The following UBE2E2 variants were observed in gnomAD, a reference collection of about 807,000 sequenced individuals.
UBE2E2 encodes ubiquitin conjugating enzyme E2 E2, also known as ubiquitin-conjugating enzyme E2 E2.
UBE2E2 carries 6 observed loss-of-function variants against 24.7 expected under a neutral mutation model. The observed-to-expected ratio is 0.24, with a 90% confidence interval of 0.13 to 0.48. The LOEUF is 0.48. Ranked by LOEUF, UBE2E2 falls within the 20% of genes least tolerant of loss-of-function variation. UBE2E2 has a pLI of 0.99. For synonymous variants in UBE2E2, 104 were observed against 83.6 expected (o/e 1.24, Z -1.33); for missense variants, 169 against 245.0 (o/e 0.69, Z 2.07).
chr3:23,466,731 C>A (rs1308334437), intron 3 of UBE2E2, among the ~76,000 whole-genome samples: 1 of 151,968 alleles, frequency 6.6e-6, no homozygotes, highest in East Asian at 1.9e-4. Context: ...CCACCCTCAG[C>A]TAATTTTTTG....
At position 23,528,159 on chromosome 3, in the gene UBE2E2, G is replaced by C. The variant is rs569903513; in HGVS notation, c.361-4395G>C. Among the ~76,000 whole-genome samples the C allele has an allele frequency of 1.2e-4, 18 of 152,294 alleles. 1 individual carries two copies. The South Asian group carries it at 3.7e-3, about 32-fold the overall frequency. ...AGCATCAGAAAATTAGTTGTCAGGA[G>C]AAACTCCTCACCCCACATTTGGTCA... On this transcript the variant is annotated intron_variant, in intron 4 of 5. Transcript: ENST00000396703.
At chr3:23,358,849 CTATT>C (rs1380107083) in intron 3 of UBE2E2, among the ~76,000 whole-genome samples, 1 of 152,162 alleles carries the variant, frequency 6.6e-6, no homozygotes, top group Non-Finnish European at 1.5e-5. Flanking sequence ...GCATTGTTAC[CTATT>C]TATTATGTGT....
At chr3:23,326,359 C>T (rs1694890570) in intron 3 of UBE2E2, among the ~76,000 whole-genome samples, 1 of 152,204 alleles carries the variant, frequency 6.6e-6, no homozygotes, top group Admixed American at 6.5e-5. Flanking sequence ...GCTTGAGCCA[C>T]CGTGCCTGGC....
chr3:23,545,530 G>C (rs1328387604), intron 5 of UBE2E2, among the ~76,000 whole-genome samples: 1 of 152,128 alleles, frequency 6.6e-6, no homozygotes, highest in Non-Finnish European at 1.5e-5. Context: ...GAATCTCAAG[G>C]CAGAAGAATT....
intron 3 of UBE2E2, among the ~76,000 whole-genome samples, chr3:23,349,916 C>G (rs541572579): frequency 7.9e-5 from 12 of 152,168 alleles, no homozygotes; most frequent in South Asian, 2.1e-4. Context: ...GATCTGAGAA[C>G]GGGCAGACTG....
intron 3 of UBE2E2, among the ~76,000 whole-genome samples, chr3:23,417,706 A>G (rs1291743792): frequency 3.3e-5 from 5 of 152,170 alleles, no homozygotes; most frequent in Admixed American, 2.0e-4. Context: ...GGTTTTATCT[A>G]TAAACCCCTG....
chr3:23,427,191 A>G (rs1031897651), intron 3 of UBE2E2, among the ~76,000 whole-genome samples: 4 of 150,760 alleles, frequency 2.7e-5, no homozygotes, highest in African/African-American at 9.8e-5. Context: ...GGAGGCTGAC[A>G]TGGGCAGATT....
chr3:23,343,798 A>G (rs1014896884), intron 3 of UBE2E2, among the ~76,000 whole-genome samples: 8 of 152,152 alleles, frequency 5.3e-5, no homozygotes, highest in African/African-American at 1.2e-4. Flanking sequence ...GGGACTGTAC[A>G]TAAGTGGAAT....
intron 3 of UBE2E2, among the ~76,000 whole-genome samples, chr3:23,251,456 A>G (rs36073188): frequency 0.26 from 40,148 of 152,114 alleles, 5,663 homozygotes; most frequent in Non-Finnish European, 0.32. Flanking sequence ...TCATCATCCA[A>G]TTTCTCAGTT....
intron 3 of UBE2E2, among the ~76,000 whole-genome samples, chr3:23,256,245 A>G (rs1320186206): frequency 6.6e-6 from 1 of 152,210 alleles, no homozygotes; most frequent in East Asian, 1.9e-4. Flanking sequence ...ACTGAAGTTA[A>G]TAGGATTGTA....
chr3:23,296,900 G>A (rs536397740), intron 3 of UBE2E2, among the ~76,000 whole-genome samples: 4 of 152,142 alleles, frequency 2.6e-5, no homozygotes, highest in South Asian at 2.1e-4. Context: ...TTCCACAATC[G>A]TTGAACTAGT....
chr3:23,503,150 G>GT (rs1694320273), intron 4 of UBE2E2, among the ~76,000 whole-genome samples: 3 of 150,944 alleles, frequency 2.0e-5, no homozygotes, highest in African/African-American at 4.9e-5. Context: ...TGTTTTTTGG[G>GT]GTTTTTTTTT....
intron 5 of UBE2E2, among the ~76,000 whole-genome samples, chr3:23,534,459 A>G (rs995594830): frequency 2.6e-5 from 4 of 152,226 alleles, no homozygotes; most frequent in Admixed American, 1.3e-4. Context: ...GATAGTAAGA[A>G]CAAGCCTAAA....
chr3:23,590,117 C>A lies in UBE2E2; in HGVS notation c.*286C>A, dbSNP rs1169923336. The stretch of plus-strand genomic sequence containing the variant: ...CATCATAGATGGGAACTTTTGTTTT[C>A]AGTGCAAACAATGTTGGAGCTGTAA... On this transcript the variant is annotated 3_prime_UTR_variant, in exon 6 of 6. Transcript: ENST00000396703. The A allele has an allele frequency of 6.1e-6, 2 of 327,182 alleles. No homozygotes were observed. The highest frequency in any genetic ancestry group is 1.1e-5 in the Non-Finnish European group (2 of 178,958). 20.3% of individuals were successfully genotyped at this position (327,182 alleles called of 1,614,324 possible). A position where few individuals can be genotyped will look rare whatever the true frequency, so the allele number is the denominator to read the frequency against.
intron 4 of UBE2E2, among the ~76,000 whole-genome samples, chr3:23,514,473 C>G (rs1300773038): frequency 6.6e-6 from 1 of 152,154 alleles, no homozygotes. Flanking sequence ...TGTTTTCATT[C>G]TCATTCTCCC....
chr3:23,301,922 C>T (rs145981140), intron 3 of UBE2E2, among the ~76,000 whole-genome samples: 16 of 141,740 alleles, frequency 1.1e-4, no homozygotes, highest in East Asian at 5.8e-4. Flanking sequence ...AATGTTTCTT[C>T]GCTTAATTAA....
intron 3 of UBE2E2, among the ~76,000 whole-genome samples, chr3:23,394,503 C>A (rs1375893905): frequency 6.6e-6 from 1 of 152,048 alleles, no homozygotes; most frequent in Non-Finnish European, 1.5e-5. Flanking sequence ...TGTTATAGAC[C>A]GTGCTTCCTG....
At chr3:23,271,488 C>T (rs1244242660) in intron 3 of UBE2E2, among the ~76,000 whole-genome samples, 5 of 152,152 alleles carry the variant, frequency 3.3e-5, no homozygotes, top group Non-Finnish European at 5.9e-5. Flanking sequence ...GCCGCTGGCT[C>T]GGGCAGCCTG....
intron 3 of UBE2E2, among the ~76,000 whole-genome samples, chr3:23,322,105 T>C (rs879382708): frequency 1.2e-4 from 18 of 152,368 alleles, no homozygotes; most frequent in Admixed American, 1.2e-3. Context: ...AGAAGAATGC[T>C]AATAACCTTT....
Sources: gnomAD v4.1 joint callset for allele counts (sites outside exome capture counted in the v4.1 genomes callset) on GRCh38, gnomAD v4.1.1 for gene constraint, MANE v1.5 for transcripts, NCBI Gene and HGNC (gene_info 2026-07-23, HGNC 2026-07-21) for gene names.